MYT1L: variants seen among roughly 807,000 people sequenced by gnomAD.
MYT1L encodes the protein myelin transcription factor 1-like protein.
MYT1L carries 12 observed loss-of-function variants against 126.7 expected under a neutral mutation model. The ratio of observed to expected loss-of-function variants is 0.09; its 90% CI spans 0.06 to 0.15. The LOEUF is 0.15. Ranked by LOEUF, MYT1L falls within the 10% of genes least tolerant of loss-of-function variation. The pLI is 1.00. For synonymous variants in MYT1L, 541 were observed against 604.2 expected (o/e 0.90, Z 1.53); for missense variants, 979 against 1,585.2 (o/e 0.62, Z 6.49).
intron 1 of MYT1L, among the ~76,000 whole-genome samples, chr2:2,295,725 T>TAGAGAGACAGACAGACAGAGAGAGAGAG (rs2095676868): frequency 7.6e-5 from 1 of 13,082 alleles, no homozygotes; most frequent in Non-Finnish European, 1.7e-4. Flanking sequence ...GAGAGAGAGA[T>TAGAGAGACAGACAGACAGAGAGAGAGAG]AGAGAGACAG....
At chr2:2,273,848 GC>G (rs1455964557) in intron 2 of MYT1L, among the ~76,000 whole-genome samples, 1 of 152,054 alleles carries the variant, frequency 6.6e-6, no homozygotes, top group East Asian at 1.9e-4. Context: ...GCTTTTATCC[GC>G]CCACAAAAAA....
At chr2:2,052,291 A>G (rs1006372757) in intron 4 of MYT1L, among the ~76,000 whole-genome samples, 9 of 152,336 alleles carry the variant, frequency 5.9e-5, no homozygotes, top group African/African-American at 1.7e-4. Flanking sequence ...TTAACTCCAA[A>G]TGGGTTAGCA....
chr2:2,138,666 G>A (rs1243462834), intron 3 of MYT1L, among the ~76,000 whole-genome samples: 1 of 128,866 alleles, frequency 7.8e-6, no homozygotes, highest in Non-Finnish European at 1.6e-5. Flanking sequence ...GACACAGGAA[G>A]GGGAACATCA....
At chr2:2,321,085 G>A (rs931413710) in intron 1 of MYT1L, among the ~76,000 whole-genome samples, 1 of 152,192 alleles carries the variant, frequency 6.6e-6, no homozygotes, top group Non-Finnish European at 1.5e-5. Context: ...CCCTAATCCT[G>A]GGGTTGTTGA....
intron 2 of MYT1L, among the ~76,000 whole-genome samples, chr2:2,213,403 A>G (rs2093589490): frequency 6.6e-6 from 1 of 152,070 alleles, no homozygotes; most frequent in Non-Finnish European, 1.5e-5. Flanking sequence ...CAGAGAGATA[A>G]TCCTGGGGGT....
chr2:2,220,202 T>G (rs2148976442), intron 2 of MYT1L, among the ~76,000 whole-genome samples: 1 of 152,314 alleles, frequency 6.6e-6, no homozygotes, highest in South Asian at 2.1e-4. Flanking sequence ...TGAGAACATG[T>G]GCCCAAGGTG....
At chr2:2,289,078 C>T (rs1406242061) in intron 1 of MYT1L, among the ~76,000 whole-genome samples, 11 of 152,292 alleles carry the variant, frequency 7.2e-5, no homozygotes, top group African/African-American at 2.4e-4. Context: ...TATCACCAAA[C>T]GGAGCCCACG....
At chr2:2,091,990 G>T (rs1416287446) in intron 3 of MYT1L, among the ~76,000 whole-genome samples, 2 of 152,128 alleles carry the variant, frequency 1.3e-5, no homozygotes, top group African/African-American at 4.8e-5. Flanking sequence ...TATCCAGACC[G>T]CTACAACTTT....
chr2:2,004,210 T>G (rs1424940986), intron 4 of MYT1L, among the ~76,000 whole-genome samples: 1 of 48,486 alleles, frequency 2.1e-5, no homozygotes. Flanking sequence ...TTCCTGAATG[T>G]GTTCTTTCCT....
At chr2:2,102,758 A>G (rs2078256563) in intron 3 of MYT1L, among the ~76,000 whole-genome samples, 1 of 151,720 alleles carries the variant, frequency 6.6e-6, no homozygotes, top group Non-Finnish European at 1.5e-5. Flanking sequence ...GTCACTATGG[A>G]GCCTGGATTT....
rs1263744620 is a variant in MYT1L, at chr2:1,922,231, C to A, written c.1483+55G>T. 1.0e-5 allele frequency: 16 copies of A among 1,581,198 alleles called. No individual in the cohort carries two copies. Among genetic ancestry groups the A allele is most frequent in the Non-Finnish European group, 6.9e-6 (8 of 1,162,216 alleles). The stretch of plus-strand genomic sequence containing the variant: ...TTTAACTGTAGACTACCACCAACAT[C>A]CTTTACCCTAGCTCATGTTTTCATG... On this transcript the variant is annotated intron_variant, in intron 10 of 24. Transcript: ENST00000647738. The surrounding 1 kb of genome is among the most constrained non-coding windows in gnomAD (Gnocchi z 7.4).
chr2:2,313,308 G>A (rs1018457305), intron 1 of MYT1L, among the ~76,000 whole-genome samples: 11 of 152,050 alleles, frequency 7.2e-5, no homozygotes, highest in African/African-American at 2.7e-4. Context: ...GCGGTTCACT[G>A]GCCCTTAAAA....
intron 5 of MYT1L, among the ~76,000 whole-genome samples, chr2:1,984,922 A>C (rs999857486): frequency 9.9e-5 from 15 of 152,192 alleles, no homozygotes; most frequent in Admixed American, 2.6e-4. Flanking sequence ...CTGTGAACCC[A>C]GGAGGAGCTC....
In MYT1L at chr2:1,923,097, T is replaced by C; in HGVS notation, c.672A>G (p.Glu224=). 2 of 1,614,044 alleles carry C rather than the reference T, an allele frequency of 1.2e-6. No individual in the cohort carries two copies. Among genetic ancestry groups the C allele is most frequent in the Non-Finnish European group, 1.7e-6 (2 of 1,179,902 alleles). ...GACTATTGGAGGTATTGCTGTTCAT[T>C]TCTGACTCAGTCCTGGCCCGGTAGG... ...DAAYRARTES[E]MNSNTSNSLE... Residue 224 remains glutamate, a synonymous_variant, in exon 10 of 25, where the codon GAA becomes GAG. Coordinates refer to ENST00000647738, the MANE Select transcript of MYT1L (RefSeq NM_001303052.2).
intron 3 of MYT1L, among the ~76,000 whole-genome samples, chr2:2,092,311 G>GC (rs1553470522): frequency 6.6e-6 from 1 of 151,816 alleles, no homozygotes; most frequent in Admixed American, 6.6e-5. Flanking sequence ...TTAGAAGGGG[G>GC]AGATAGAAGA....
intron 8 of MYT1L, among the ~76,000 whole-genome samples, chr2:1,968,087 T>G (rs1354789199): frequency 6.6e-6 from 1 of 152,128 alleles, no homozygotes; most frequent in African/African-American, 2.4e-5. Flanking sequence ...GGAGGCTGTG[T>G]CCAGGGTGCT....
At chr2:1,835,586 A>C (rs1423405304) in intron 21 of MYT1L, among the ~76,000 whole-genome samples, 1 of 152,188 alleles carries the variant, frequency 6.6e-6, no homozygotes, top group African/African-American at 2.4e-5. Flanking sequence ...AAAAACAAAC[A>C]GAACAGAACA....
chr2:2,190,895 C>G (rs749528132), intron 2 of MYT1L, among the ~76,000 whole-genome samples: 2 of 152,210 alleles, frequency 1.3e-5, no homozygotes, highest in Non-Finnish European at 2.9e-5. Context: ...AAGTGATTCT[C>G]CTGCCTCAGC....
At chr2:1,942,832 T>A in intron 9 of MYT1L, 150 bp downstream of exon 9, 1 of 971,638 alleles carries the variant, frequency 1.0e-6, no homozygotes, top group South Asian at 2.0e-5. Context: ...AACAGAAGTG[T>A]TCAGTTCATA....
Sources: allele counts gnomAD v4.1 joint callset (sites outside exome capture counted in the v4.1 genomes callset), GRCh38; gene constraint gnomAD v4.1.1; non-coding constraint Gnocchi (gnomAD v3.1); transcripts MANE v1.5; gene names NCBI Gene and HGNC (gene_info 2026-07-23, HGNC 2026-07-21).